Variants in NECAB1 observed in about 807,000 individuals in gnomAD.
NECAB1 encodes the protein N-terminal EF-hand calcium binding protein 1, also known as N-terminal EF-hand calcium-binding protein 1.
In NECAB1, 29 loss-of-function variants were observed where a neutral mutation model predicts 57.5. The ratio of observed to expected loss-of-function variants is 0.50; its 90% CI spans 0.38 to 0.69. The LOEUF is 0.69. NECAB1 is among the 30% of genes least tolerant of loss of function. The probability of loss-of-function intolerance (pLI) is 0.00; values close to 1 mark genes in which losing one functional copy is unlikely to be tolerated. For missense variants in NECAB1, 372 were observed against 413.8 expected, an observed-to-expected ratio of 0.90 and a Z score of 0.88; for synonymous variants, 142 against 147.7, an observed-to-expected ratio of 0.96 and a Z score of 0.28.
At chr8:90,928,989 C>T (rs1810343665) in intron 8 of NECAB1, among the ~76,000 whole-genome samples, 1 of 152,116 alleles carries the variant, frequency 6.6e-6, no homozygotes, top group African/African-American at 2.4e-5. Context: ...GTGTTTTCTG[C>T]ACATGTCAGG....
At chr8:90,826,459 G>A (rs1005853198) in intron 3 of NECAB1, among the ~76,000 whole-genome samples, 4 of 151,832 alleles carry the variant, frequency 2.6e-5, no homozygotes, top group Non-Finnish European at 4.4e-5. Flanking sequence ...ATGTTTATTC[G>A]TGAAAGAAAG....
intron 5 of NECAB1, among the ~76,000 whole-genome samples, chr8:90,908,992 C>T (rs557803421): frequency 5.9e-5 from 9 of 152,168 alleles, no homozygotes; most frequent in Admixed American, 1.3e-4. Context: ...TTATCCGTTA[C>T]AGAGCCCAGA....
chr8:90,906,885 A>ATGTATG (rs1563528221), intron 5 of NECAB1, among the ~76,000 whole-genome samples: 1 of 120,926 alleles, frequency 8.3e-6, no homozygotes, highest in African/African-American at 3.5e-5. Flanking sequence ...ACATATATAT[A>ATGTATG]TATATATATA....
intron 1 of NECAB1, among the ~76,000 whole-genome samples, chr8:90,797,700 T>C (rs932675861): frequency 1.3e-5 from 2 of 152,232 alleles, no homozygotes; most frequent in African/African-American, 4.8e-5. Context: ...TTATTTTCTA[T>C]TAGCATATCT....
At chr8:90,794,211 G>A (rs1243420941) in intron 1 of NECAB1, among the ~76,000 whole-genome samples, 2 of 152,172 alleles carry the variant, frequency 1.3e-5, no homozygotes, top group African/African-American at 4.8e-5. Context: ...TATGTGATAT[G>A]AAAAATGATT....
At chr8:90,943,914 G>T (rs549821942) in intron 10 of NECAB1, among the ~76,000 whole-genome samples, 2 of 152,154 alleles carry the variant, frequency 1.3e-5, no homozygotes, top group Non-Finnish European at 2.9e-5. Context: ...ACCATATCTG[G>T]CTACTTTTTA....
At chr8:90,855,322 G>A (rs139821627) in intron 3 of NECAB1, among the ~76,000 whole-genome samples, 5 of 152,182 alleles carry the variant, frequency 3.3e-5, no homozygotes, top group Non-Finnish European at 2.9e-5. Flanking sequence ...TTTCTGGGAT[G>A]ACAAATAGAA....
intron 6 of NECAB1, among the ~76,000 whole-genome samples, chr8:90,921,393 G>C (rs560168276): frequency 6.6e-6 from 1 of 151,830 alleles, no homozygotes; most frequent in South Asian, 2.1e-4. Context: ...TGCAGGTCAG[G>C]CATGGTGGCT....
intron 12 of NECAB1, 41 bp from the exon 13 acceptor site, chr8:90,955,446 A>G: frequency 6.8e-7 from 1 of 1,466,424 alleles, no homozygotes; most frequent in Middle Eastern, 1.8e-4. Context: ...TTGCCCTATA[A>G]GTTATTTTCA....
intron 2 of NECAB1, among the ~76,000 whole-genome samples, chr8:90,805,890 G>A (rs1020859866): frequency 6.6e-6 from 1 of 152,050 alleles, no homozygotes; most frequent in South Asian, 2.1e-4. Context: ...CCCAGAACTT[G>A]TTCATCTTAT....
intron 3 of NECAB1, among the ~76,000 whole-genome samples, chr8:90,845,842 G>A (rs1380238667): frequency 6.6e-6 from 1 of 152,136 alleles, no homozygotes; most frequent in Non-Finnish European, 1.5e-5. Flanking sequence ...AATGGTTTTT[G>A]CTTTAAACAG....
At chr8:90,890,284 G>A (rs1809128479) in intron 5 of NECAB1, among the ~76,000 whole-genome samples, 1 of 152,138 alleles carries the variant, frequency 6.6e-6, no homozygotes, top group South Asian at 2.1e-4. Context: ...AGATCTGATG[G>A]TTTTATAAGC....
chr8:90,859,354 G>C (rs1343584257), intron 3 of NECAB1: 1 of 152,186 alleles, frequency 6.6e-6, no homozygotes, highest in African/African-American at 2.4e-5. Flanking sequence ...TATTGCTAGG[G>C]AAGAAGGTTT....
At chr8:90,949,920 A>G (rs1488426221) in intron 11 of NECAB1, 36 bp downstream of exon 11, 14 of 1,339,470 alleles carry the variant, frequency 1.0e-5, no homozygotes, top group African/African-American at 1.4e-5. Context: ...ATGTGAAGCC[A>G]GGAAGGTGGC....
At chr8:90,844,988 T>C (rs1203515215) in intron 3 of NECAB1, among the ~76,000 whole-genome samples, 2 of 152,192 alleles carry the variant, frequency 1.3e-5, no homozygotes, top group African/African-American at 4.8e-5. Context: ...GGGTGGGTCA[T>C]CAGGGTGAAG....
chr8:90,938,419 G>A (rs953586654), intron 9 of NECAB1, among the ~76,000 whole-genome samples: 1 of 152,210 alleles, frequency 6.6e-6, no homozygotes, highest in African/African-American at 2.4e-5. Flanking sequence ...GCTTCAGGCT[G>A]TGTATTTGAC....
chr8:90,920,059 A>T (rs1810065566), intron 6 of NECAB1, among the ~76,000 whole-genome samples: 1 of 152,178 alleles, frequency 6.6e-6, no homozygotes, highest in South Asian at 2.1e-4. Context: ...TATAGACTTT[A>T]AGGAAAGTAG....
chr8:90,891,723 C>A (rs993717952), intron 5 of NECAB1, among the ~76,000 whole-genome samples: 1 of 150,604 alleles, frequency 6.6e-6, no homozygotes, highest in African/African-American at 2.4e-5. Context: ...GATAGGCTTT[C>A]ACTCCTGTTG....
intron 5 of NECAB1, among the ~76,000 whole-genome samples, chr8:90,907,370 C>A (rs1168540275): frequency 6.6e-6 from 1 of 152,068 alleles, no homozygotes; most frequent in Non-Finnish European, 1.5e-5. Flanking sequence ...CAGGCTATAG[C>A]CAGTCTCTTA....
Sources: gnomAD v4.1 joint callset for allele counts (sites outside exome capture counted in the v4.1 genomes callset) on GRCh38, gnomAD v4.1.1 for gene constraint, MANE v1.5 for transcripts, NCBI Gene and HGNC (gene_info 2026-07-23, HGNC 2026-07-21) for gene names.